Variants in MBP observed in about 807,000 individuals in gnomAD.
MBP encodes myelin basic protein.
A neutral mutation model predicts 35.8 loss-of-function variants in MBP; 16 were observed. That is an observed-to-expected ratio of 0.45 (90% CI 0.30 to 0.68). The LOEUF (loss-of-function observed/expected upper bound fraction) is 0.68. Among genes scored for constraint, MBP ranks in the 30% least tolerant of loss-of-function variants. MBP has a pLI of 0.08. For missense variants in MBP, 380 were observed against 404.7 expected, an observed-to-expected ratio of 0.94 and a Z score of 0.52; for synonymous variants, 143 against 159.6, an observed-to-expected ratio of 0.90 and a Z score of 0.78.
intron 3 of MBP, among the ~76,000 whole-genome samples, chr18:77,038,971 T>C (rs1193677440): frequency 6.6e-6 from 1 of 152,258 alleles, no homozygotes; most frequent in Non-Finnish European, 1.5e-5. Flanking sequence ...CTGGCCCATA[T>C]GTTTTTGTAC....
intron 2 of MBP, among the ~76,000 whole-genome samples, chr18:77,088,830 G>A (rs577286501): frequency 1.3e-5 from 2 of 152,298 alleles, no homozygotes; most frequent in African/African-American, 4.8e-5. Flanking sequence ...CTAGCGCCTT[G>A]AAGATGTCCT....
chr18:77,009,757 GAC>G, intron 4 of MBP: 1 of 1,173,496 alleles, frequency 8.5e-7, no homozygotes, highest in Non-Finnish European at 1.2e-6. Flanking sequence ...CCCTGGCAGT[GAC>G]ACTACCTGCC....
chr18:77,086,933 G>C (rs1000614859), intron 2 of MBP, among the ~76,000 whole-genome samples: 4 of 152,224 alleles, frequency 2.6e-5, no homozygotes, highest in Non-Finnish European at 5.9e-5. Context: ...ACTTCGAAAC[G>C]CATTGCAATA....
chr18:77,025,419 C>T (rs570053935), intron 3 of MBP, among the ~76,000 whole-genome samples: 16 of 152,282 alleles, frequency 1.1e-4, no homozygotes, highest in Middle Eastern at 3.4e-3. Context: ...GTGCACTCAG[C>T]GGTCTTGGTG....
At chr18:77,070,112 T>A (rs147331738) in intron 2 of MBP, among the ~76,000 whole-genome samples, 91 of 152,242 alleles carry the variant, frequency 6.0e-4, no homozygotes, top group African/African-American at 2.0e-3. Context: ...GCAAAACAAA[T>A]AATGCAGATG....
At chr18:77,039,840 G>C (rs943205425) in intron 3 of MBP, among the ~76,000 whole-genome samples, 2 of 152,174 alleles carry the variant, frequency 1.3e-5, no homozygotes, top group African/African-American at 4.8e-5. Context: ...AAACGCAGGG[G>C]TGGATGCCCA....
At chr18:77,050,457 C>T (rs1312121315) in intron 3 of MBP, among the ~76,000 whole-genome samples, 2 of 122,278 alleles carry the variant, frequency 1.6e-5, no homozygotes, top group Non-Finnish European at 3.1e-5. Context: ...TAGCTTGCCA[C>T]AGTATTAGCT....
intron 4 of MBP, among the ~76,000 whole-genome samples, chr18:77,012,460 T>C (rs960453018): frequency 1.3e-5 from 2 of 152,184 alleles, no homozygotes; most frequent in African/African-American, 2.4e-5. Context: ...ATAGTCACCA[T>C]AGAAAGACCA....
chr18:76,983,703 C>T (rs574714489), intron 8 of MBP: 1 of 152,282 alleles, frequency 6.6e-6, no homozygotes, highest in African/African-American at 2.4e-5. Context: ...AGGGGCTGTG[C>T]CCTGAATTGC....
At chr18:77,072,988 G>A (rs1179650388) in intron 2 of MBP, among the ~76,000 whole-genome samples, 1 of 152,188 alleles carries the variant, frequency 6.6e-6, no homozygotes, top group Non-Finnish European at 1.5e-5. Context: ...TTCGCCCACT[G>A]CCATTGCCCT....
intron 2 of MBP, among the ~76,000 whole-genome samples, chr18:77,081,017 A>G (rs1429349125): frequency 1.3e-5 from 2 of 152,222 alleles, no homozygotes; most frequent in East Asian, 3.8e-4. Flanking sequence ...TCTACTTTTA[A>G]CAAACTGTAG....
intron 3 of MBP, among the ~76,000 whole-genome samples, chr18:77,049,461 T>C (rs892929753): frequency 2.6e-5 from 4 of 152,212 alleles, no homozygotes; most frequent in South Asian, 2.1e-4. Context: ...TCCAAAGCTA[T>C]CTGAGGTAGC....
intron 3 of MBP, among the ~76,000 whole-genome samples, chr18:77,033,211 G>A (rs1201070451): frequency 6.6e-6 from 1 of 152,024 alleles, no homozygotes; most frequent in African/African-American, 2.4e-5. Context: ...GAAGTCATCT[G>A]CTTGCCTTGG....
chr18:76,993,872 G>T (rs1004952109), intron 4 of MBP, among the ~76,000 whole-genome samples: 1 of 152,200 alleles, frequency 6.6e-6, no homozygotes, highest in Non-Finnish European at 1.5e-5. Flanking sequence ...GCCTTTGAAC[G>T]TGAGGATGTC....
chr18:76,990,853 C>T lies in MBP; in HGVS notation c.577-793G>A, dbSNP rs528501743. ...TGGGGCAGCTACGGGCTGGCAGCAG[C>T]GGGTTTGGGTGTGCGACTTGCTGGG... On this transcript the variant is annotated intron_variant, in intron 4 of 8. Transcript: ENST00000355994. 29 of 269,582 alleles carry T rather than the reference C, an allele frequency of 1.1e-4. 1 individual carries two copies. Among genetic ancestry groups the T allele is most frequent in the Middle Eastern group, 8.4e-4 (2 of 2,376 alleles). The allele number at this position is 269,582 out of a possible 1,614,324, so 16.7% of individuals were successfully genotyped here. A position where few individuals can be genotyped will look rare whatever the true frequency, so the allele number is the denominator to read the frequency against.
chr18:77,091,616 C>T (rs1214449419), intron 2 of MBP, among the ~76,000 whole-genome samples: 1 of 151,458 alleles, frequency 6.6e-6, no homozygotes, highest in Admixed American at 6.6e-5. Context: ...CACACCCACC[C>T]ACCCACACCC....
intron 7 of MBP, chr18:76,987,645 G>C: frequency 1.0e-6 from 1 of 988,166 alleles, no homozygotes; most frequent in Non-Finnish European, 1.2e-6. Context: ...GGTAGGCTCT[G>C]TTCTAGCGTA....
chr18:76,988,998 G>A lies in MBP; in HGVS notation c.682-86C>T. ...AACGGGCTCCTGCCTGCTGAGGGTG[G>A]CTAGCATCCATCAGCTGCCAGAAGC... On this transcript the variant is annotated intron_variant, in intron 5 of 8. Transcript: ENST00000355994. The surrounding 1 kb of genome is among the most constrained non-coding windows in gnomAD (Gnocchi z 5.2). The A allele has an allele frequency of 7.5e-7, 1 of 1,341,782 alleles. No homozygotes were observed. Among genetic ancestry groups the A allele is most frequent in the South Asian group, 1.2e-5 (1 of 85,666 alleles). The allele number at this position is 1,341,782 out of a possible 1,614,324, so 83.1% of individuals were successfully genotyped here.
At chr18:77,069,154 C>G (rs1974328849) in intron 2 of MBP, 1 of 438,484 alleles carries the variant, frequency 2.3e-6, no homozygotes, top group African/African-American at 2.0e-5. Flanking sequence ...CTTCCCAACC[C>G]TCAGGCCTAG....
Sources: gnomAD v4.1 joint callset for allele counts (sites outside exome capture counted in the v4.1 genomes callset) on GRCh38, gnomAD v4.1.1 for gene constraint, Gnocchi (gnomAD v3.1) non-coding constraint, MANE v1.5 for transcripts, NCBI Gene and HGNC (gene_info 2026-07-23, HGNC 2026-07-21) for gene names.